ERCC4: variants seen among roughly 807,000 people sequenced by gnomAD.
The protein encoded by ERCC4 is DNA repair endonuclease XPF.
Under a neutral mutation model 76.9 loss-of-function variants are expected in ERCC4, and 65 were observed. That is an observed-to-expected ratio of 0.84 (90% CI 0.69 to 1.04). ERCC4 has a LOEUF of 1.04. Among genes scored for constraint, ERCC4 ranks in the 50% least tolerant of loss-of-function variants. The probability of loss-of-function intolerance (pLI) is 0.00; values close to 1 mark genes in which losing one functional copy is unlikely to be tolerated. For missense variants in ERCC4, 1,214 were observed against 1,128.2 expected, an observed-to-expected ratio of 1.08 and a Z score of -1.09; for synonymous variants, 463 against 410.1, an observed-to-expected ratio of 1.13 and a Z score of -1.56.
chr16:13,942,734 C>G (rs1420208050), intron 9 of ERCC4, among the ~76,000 whole-genome samples: 1 of 152,164 alleles, frequency 6.6e-6, no homozygotes, highest in Non-Finnish European at 1.5e-5. Context: ...TACTCTAACC[C>G]CCTAAGATTA....
intron 9 of ERCC4, among the ~76,000 whole-genome samples, chr16:13,942,653 T>C (rs1421197926): frequency 6.6e-6 from 1 of 152,192 alleles, no homozygotes; most frequent in East Asian, 1.9e-4. Flanking sequence ...TACAGAGCCA[T>C]GAAATGACTT....
At chr16:13,922,472 T>G (rs531678201) in intron 2 of ERCC4, 1 of 755,694 alleles carries the variant, frequency 1.3e-6, no homozygotes, top group South Asian at 1.3e-5. Flanking sequence ...TAATTTAGCT[T>G]CACATACATC....
At chr16:13,946,117 A>G (rs1306074674) in intron 10 of ERCC4, among the ~76,000 whole-genome samples, 2 of 152,190 alleles carry the variant, frequency 1.3e-5, no homozygotes, top group African/African-American at 2.4e-5. Context: ...CTCCATCTTC[A>G]TAGCCAGTAG....
chr16:13,935,661 T>TA lies in ERCC4; in HGVS notation c.1730dup (p.Tyr577Ter), dbSNP rs397509404. 2.5e-6 allele frequency: 4 copies of TA among 1,614,152 alleles called. No homozygotes were observed. Among genetic ancestry groups the TA allele is most frequent in the Admixed American group, 1.7e-5 (1 of 60,016 alleles). The change falls in exon 8 of 11, where the codon TAC becomes TAAC. Residue 577 changes from tyrosine (Y) to a stop codon, truncating the protein, a stop_gained and frameshift_variant. Transcript: ENST00000311895. LOFTEE classifies it high-confidence loss of function. ...TRVLHEVEPRYVVLYDAELTF... is the reference protein window; with the variant it reads ...TRVLHEVEPR ...GGTACTACATGAAGTGGAGCCAAGA[T>TA]ACGTGGTTCTTTATGACGCAGAGCT...
chr16:13,928,461 GATT>G (rs911867968), intron 4 of ERCC4, among the ~76,000 whole-genome samples: 2 of 152,088 alleles, frequency 1.3e-5, no homozygotes, highest in Admixed American at 1.3e-4. Context: ...TATAGTAAGT[GATT>G]ATCTCTTATT....
Position 13,926,567 on chromosome 16 carries a change from T to C in ERCC4, c.395T>C (p.Leu132Ser), listed in dbSNP as rs772979483. ...RIPSDLITGILVYRAHRIIES... is the reference protein window; with the variant it reads ...RIPSDLITGISVYRAHRIIES... ...TTATGTTTCTCCCCCTCAGGCATCT[T>C]GGTGTATAGAGCCCACAGAATAATC... Residue 132 changes from leucine (L) to serine (S), a missense_variant, in exon 3 of 11, where the codon TTG (leucine) becomes TCG (serine). Coordinates refer to ENST00000311895, the MANE Select transcript of ERCC4 (RefSeq NM_005236.3). 4 of 1,613,852 alleles carry C rather than the reference T, an allele frequency of 2.5e-6. No individual in the cohort carries two copies. The South Asian group carries it at 4.4e-5, about 18-fold the overall frequency.
chr16:13,922,570 T>TA, intron 2 of ERCC4: 2 of 695,486 alleles, frequency 2.9e-6, no homozygotes, highest in Non-Finnish European at 5.3e-6. Flanking sequence ...GACGAATTTC[T>TA]TAATGGCTTT....
At chr16:13,933,997 T>C (rs904823894) in intron 6 of ERCC4, 195 bp from the exon 7 acceptor site, 1 of 520,168 alleles carries the variant, frequency 1.9e-6, no homozygotes, top group African/African-American at 1.9e-5. Flanking sequence ...GCCATATTAA[T>C]GGTTTGAAGT....
chr16:13,933,923 A>T, intron 6 of ERCC4: 1 of 371,452 alleles, frequency 2.7e-6, no homozygotes. Flanking sequence ...CACAGAAACA[A>T]CTAACACAGA....
chr16:13,944,983 A>C, intron 10 of ERCC4, 148 bp downstream of exon 10: 1 of 603,880 alleles, frequency 1.7e-6, no homozygotes, highest in African/African-American at 1.8e-5. Flanking sequence ...CCCTACTCTA[A>C]TCTCAGCTCT....
intron 9 of ERCC4, among the ~76,000 whole-genome samples, chr16:13,939,606 A>G (rs987470335): frequency 1.6e-4 from 25 of 152,102 alleles, no homozygotes; most frequent in Non-Finnish European, 2.9e-4. Context: ...GAGGCCCTGT[A>G]AAGGATTTAG....
At chr16:13,931,099 T>C (rs2032164255) in intron 5 of ERCC4, 2 of 574,180 alleles carry the variant, frequency 3.5e-6, no homozygotes, top group Non-Finnish European at 3.1e-6. Flanking sequence ...TAATAATAAA[T>C]ATTCATATCC....
At chr16:13,936,607 G>C (rs556709736) in intron 8 of ERCC4, among the ~76,000 whole-genome samples, 1 of 152,326 alleles carries the variant, frequency 6.6e-6, no homozygotes, top group East Asian at 1.9e-4. Flanking sequence ...GAATCAGAAG[G>C]GACCTGGGAG....
intron 4 of ERCC4, among the ~76,000 whole-genome samples, chr16:13,930,107 T>C (rs2032145485): frequency 6.6e-6 from 1 of 152,244 alleles, no homozygotes; most frequent in South Asian, 2.1e-4. Flanking sequence ...ATAATTCTTA[T>C]TTAATTTGTA....
intron 9 of ERCC4, among the ~76,000 whole-genome samples, chr16:13,938,128 TG>T (rs2032341784): frequency 1.3e-5 from 2 of 152,170 alleles, no homozygotes; most frequent in Non-Finnish European, 1.5e-5. Flanking sequence ...ACTGCTTTTT[TG>T]TTTGTGAAGC....
At chr16:13,934,129 C>G in intron 6 of ERCC4, 63 bp from the exon 7 acceptor site, 2 of 1,066,304 alleles carry the variant, frequency 1.9e-6, no homozygotes, top group Non-Finnish European at 2.9e-6. Flanking sequence ...GTTTTAAAAG[C>G]CTTTGGAAGA....
chr16:13,946,961 C>T (rs527290775), intron 10 of ERCC4, among the ~76,000 whole-genome samples: 15 of 152,248 alleles, frequency 9.9e-5, no homozygotes, highest in African/African-American at 2.9e-4. Context: ...GGGGTTTCAC[C>T]ATGTTAGCCA....
intron 9 of ERCC4, among the ~76,000 whole-genome samples, chr16:13,940,305 C>G (rs3136180): frequency 6.6e-6 from 1 of 151,632 alleles, no homozygotes; most frequent in Non-Finnish European, 1.5e-5. Context: ...GAGAATCACT[C>G]AAACCCCAGG....
At chr16:13,936,753 C>A (rs1249908106) in intron 8 of ERCC4, among the ~76,000 whole-genome samples, 2 of 152,112 alleles carry the variant, frequency 1.3e-5, no homozygotes, top group Non-Finnish European at 1.5e-5. Context: ...GTTTACACTT[C>A]AAAGAATTAT....
Sources: allele counts gnomAD v4.1 joint callset (sites outside exome capture counted in the v4.1 genomes callset), GRCh38; gene constraint gnomAD v4.1.1; transcripts MANE v1.5; gene names NCBI Gene and HGNC (gene_info 2026-07-23, HGNC 2026-07-21).